Variants in CYSTM1 observed in about 807,000 individuals in gnomAD.
CYSTM1 encodes the protein cysteine rich transmembrane module containing 1, also known as cysteine-rich transmembrane module-containing protein 1.
CYSTM1 carries 4 observed loss-of-function variants against 13.1 expected under a neutral mutation model. That is an observed-to-expected ratio of 0.31 (90% CI 0.15 to 0.70). The LOEUF is 0.70. Among genes scored for constraint, CYSTM1 ranks in the 30% least tolerant of loss-of-function variants. The probability of loss-of-function intolerance (pLI) is 0.72; values close to 1 mark genes in which losing one functional copy is unlikely to be tolerated. For synonymous variants in CYSTM1, 36 were observed against 42.7 expected, an observed-to-expected ratio of 0.84 and a Z score of 0.62; for missense variants, 96 against 121.6, an observed-to-expected ratio of 0.79 and a Z score of 0.99.
rs1193169666 is a variant in CYSTM1 at position 140,230,043 on chromosome 5, G to C, written c.188-13262G>C. On this transcript the variant is annotated intron_variant, in intron 2 of 2. Coordinates refer to ENST00000261811, the MANE Select transcript of CYSTM1 (RefSeq NM_032412.4). This position sits in a 1 kb window ranked among gnomAD's most constrained non-coding sequence, Gnocchi z 4.1. ...GCACCACCATGCCCAGCTAATTTTT[G>C]TATTTTTAGTAGAGACAGGGGTTTC... 6.6e-6 allele frequency among the ~76,000 whole-genome samples: 1 copy of C among 152,130 alleles called. No homozygotes were observed. Among genetic ancestry groups the C allele is most frequent in the Non-Finnish European group, 1.5e-5 (1 of 68,030 alleles).
At chr5:140,187,962 G>A (rs1764038127) in intron 1 of CYSTM1, among the ~76,000 whole-genome samples, 1 of 151,602 alleles carries the variant, frequency 6.6e-6, no homozygotes, top group Non-Finnish European at 1.5e-5. Context: ...AGCAGATTTT[G>A]ACTAGATCAT....
intron 1 of CYSTM1, among the ~76,000 whole-genome samples, chr5:140,193,759 C>G (rs1460048971): frequency 1.3e-5 from 2 of 152,204 alleles, no homozygotes; most frequent in African/African-American, 4.8e-5. Context: ...GTCCTGTAAA[C>G]ACAAATAAAT....
chr5:140,190,559 G>C (rs1259102078), intron 1 of CYSTM1, among the ~76,000 whole-genome samples: 1 of 152,044 alleles, frequency 6.6e-6, no homozygotes, highest in Admixed American at 6.5e-5. Flanking sequence ...TGCAGAGTCA[G>C]TGCCAGTCCA....
chr5:140,239,801 G>A lies in CYSTM1; in HGVS notation c.188-3504G>A, dbSNP rs1764725238. ...AGAATACTGAGGGTTGATTCAAAGGGCTGACTGCGGGCAAGAGAGGCAAGC... is the reference window on the plus strand; with the variant it reads ...AGAATACTGAGGGTTGATTCAAAGGACTGACTGCGGGCAAGAGAGGCAAGC... On this transcript the variant is annotated intron_variant, in intron 2 of 2. Transcript: ENST00000261811. The surrounding 1 kb of genome is among the most constrained non-coding windows in gnomAD (Gnocchi z 5.4). 6.6e-6 allele frequency among the ~76,000 whole-genome samples: 1 copy of A among 152,184 alleles called. No individual in the cohort carries two copies. Among genetic ancestry groups the A allele is most frequent in the South Asian group, 2.1e-4 (1 of 4,834 alleles).
chr5:140,226,470 A>AT (rs60103492), intron 2 of CYSTM1, among the ~76,000 whole-genome samples: 27,620 of 128,530 alleles, frequency 0.21, 3,182 homozygotes, highest in South Asian at 0.24. Context: ...CTCTATAAAA[A>AT]ATATATATAT....
intron 2 of CYSTM1, among the ~76,000 whole-genome samples, chr5:140,210,709 G>A (rs1187397011): frequency 2.0e-5 from 3 of 151,928 alleles, no homozygotes; most frequent in African/African-American, 4.8e-5. Flanking sequence ...ACAGGGTCTC[G>A]CTCTGTTACA....
chr5:140,241,569 T>G (rs369370398), intron 2 of CYSTM1, among the ~76,000 whole-genome samples: 4 of 152,296 alleles, frequency 2.6e-5, no homozygotes, highest in South Asian at 2.1e-4. Flanking sequence ...GGGAGGGGCT[T>G]TCTGTCCCAG....
intron 2 of CYSTM1, chr5:140,201,080 T>C (rs1764220250): frequency 6.6e-6 from 1 of 152,230 alleles, no homozygotes; most frequent in Non-Finnish European, 1.5e-5. Context: ...TATCCTTTCA[T>C]TGGTTGATGG....
intron 1 of CYSTM1, among the ~76,000 whole-genome samples, chr5:140,186,835 A>G (rs1764020167): frequency 1.3e-5 from 2 of 152,230 alleles, no homozygotes; most frequent in Admixed American, 6.5e-5. Flanking sequence ...TATAAAACTC[A>G]GTAATTCTAG....
At chr5:140,240,001 C>A (rs977913757) in intron 2 of CYSTM1, among the ~76,000 whole-genome samples, 1 of 152,070 alleles carries the variant, frequency 6.6e-6, no homozygotes, top group South Asian at 2.1e-4. Context: ...ACCCTGCCCG[C>A]GTCAGGAGCT....
chr5:140,235,755 T>C (rs1764674041), intron 2 of CYSTM1, among the ~76,000 whole-genome samples: 1 of 152,190 alleles, frequency 6.6e-6, no homozygotes, highest in Non-Finnish European at 1.5e-5. Flanking sequence ...CTTCTCATAC[T>C]TGTCAGCCCC....
intron 1 of CYSTM1, among the ~76,000 whole-genome samples, chr5:140,193,308 G>T (rs1764114327): frequency 6.6e-6 from 1 of 152,116 alleles, no homozygotes; most frequent in African/African-American, 2.4e-5. Flanking sequence ...TTTTGAGACG[G>T]AGTCTCACTT....
rs1466540780 is a variant in CYSTM1 at position 140,219,985 on chromosome 5, C to T, written c.188-23320C>T. On this transcript the variant is annotated intron_variant, in intron 2 of 2. Coordinates refer to ENST00000261811, the MANE Select transcript of CYSTM1 (RefSeq NM_032412.4). The surrounding 1 kb of genome is among the most constrained non-coding windows in gnomAD (Gnocchi z 4.1). ...TTCTCTCTTTTTTTTTTCTGTAACCCAGTGCCTGAAAACCAGGAGGAAATC... is the reference window on the plus strand; with the variant it reads ...TTCTCTCTTTTTTTTTTCTGTAACCTAGTGCCTGAAAACCAGGAGGAAATC... Among the ~76,000 whole-genome samples the T allele has an allele frequency of 6.6e-6, 1 of 152,104 alleles. No homozygotes were observed. Among genetic ancestry groups the T allele is most frequent in the Non-Finnish European group, 1.5e-5 (1 of 68,014 alleles).
rs1345459407 is a variant in CYSTM1, at chr5:140,239,489, CT to C, written c.188-3814del. ...GGTGGCCCTGGAGAAGACCCCAGGG[CT>C]TGTTGGACAGGCCTGGCATCGTCCA... On this transcript the variant is annotated intron_variant, in intron 2 of 2. Coordinates refer to ENST00000261811, the MANE Select transcript of CYSTM1 (RefSeq NM_032412.4). This position sits in a 1 kb window ranked among gnomAD's most constrained non-coding sequence, Gnocchi z 5.4. Among the ~76,000 whole-genome samples the C allele has an allele frequency of 6.6e-6, 1 of 152,186 alleles. No individual in the cohort carries two copies. Among genetic ancestry groups the C allele is most frequent in the Non-Finnish European group, 1.5e-5 (1 of 68,036 alleles).
intron 2 of CYSTM1, among the ~76,000 whole-genome samples, chr5:140,223,723 AC>A (rs1037745326): frequency 6.6e-6 from 1 of 152,136 alleles, no homozygotes; most frequent in Non-Finnish European, 1.5e-5. Flanking sequence ...CCTGGCCTAC[AC>A]CCTGGGAGGG....
At chr5:140,196,178 T>G (rs1228032545) in intron 2 of CYSTM1, among the ~76,000 whole-genome samples, 1 of 152,228 alleles carries the variant, frequency 6.6e-6, no homozygotes, top group African/African-American at 2.4e-5. Flanking sequence ...GTTAGAGTAA[T>G]GACTTGCCCA....
intron 2 of CYSTM1, among the ~76,000 whole-genome samples, chr5:140,215,504 A>T (rs1191616472): frequency 1.6e-5 from 2 of 126,686 alleles, no homozygotes; most frequent in African/African-American, 2.8e-5. Flanking sequence ...CCTGGCTCTC[A>T]CACAGAGAAA....
chr5:140,214,090 A>C (rs1046162041), intron 2 of CYSTM1, among the ~76,000 whole-genome samples: 2 of 152,204 alleles, frequency 1.3e-5, no homozygotes, highest in African/African-American at 4.8e-5. Flanking sequence ...TAGTGAGTGT[A>C]CTGGGGACTC....
At chr5:140,185,667 T>C (rs1296090016) in intron 1 of CYSTM1, among the ~76,000 whole-genome samples, 1 of 152,260 alleles carries the variant, frequency 6.6e-6, no homozygotes, top group East Asian at 1.9e-4. Context: ...GTTGCACTGT[T>C]ACTGGGAGCA....
Sources: gnomAD v4.1 joint callset for allele counts (sites outside exome capture counted in the v4.1 genomes callset) on GRCh38, gnomAD v4.1.1 for gene constraint, Gnocchi (gnomAD v3.1) non-coding constraint, MANE v1.5 for transcripts, NCBI Gene and HGNC (gene_info 2026-07-23, HGNC 2026-07-21) for gene names.